Variants in ITGA8 observed in about 807,000 individuals in gnomAD.
ITGA8 encodes integrin subunit alpha 8.
Under a neutral mutation model 142.3 loss-of-function variants are expected in ITGA8, and 91 were observed. The observed-to-expected ratio is 0.64, with a 90% CI of 0.54 to 0.76. The LOEUF (loss-of-function observed/expected upper bound fraction) is 0.76, where lower values mean the gene tolerates loss of function less well. ITGA8 is among the 30% of genes least tolerant of loss of function. The pLI is 0.00. For missense variants in ITGA8, 1,406 were observed against 1,327.7 expected, an observed-to-expected ratio of 1.06 and a Z score of -0.92; for synonymous variants, 505 against 485.2, an observed-to-expected ratio of 1.04 and a Z score of -0.54.
At chr10:15,671,572 T>C in intron 8 of ITGA8, 31 bp downstream of exon 8, 1 of 1,584,460 alleles carries the variant, frequency 6.3e-7, no homozygotes, top group East Asian at 2.2e-5. Flanking sequence ...CCATGCTTTA[T>C]AAGTGATTTA....
At chr10:15,618,773 G>A (rs1833439778) in intron 13 of ITGA8, among the ~76,000 whole-genome samples, 1 of 152,182 alleles carries the variant, frequency 6.6e-6, no homozygotes, top group African/African-American at 2.4e-5. Flanking sequence ...TTCAGCTTTG[G>A]GACTCGGACT....
intron 2 of ITGA8, among the ~76,000 whole-genome samples, chr10:15,696,214 T>A (rs879481320): frequency 1.3e-5 from 2 of 152,164 alleles, no homozygotes; most frequent in African/African-American, 2.4e-5. Flanking sequence ...AGCCCGTTAG[T>A]TACCTAAGCG....
chr10:15,650,344 A>G (rs371695394), intron 11 of ITGA8, among the ~76,000 whole-genome samples: 1 of 152,214 alleles, frequency 6.6e-6, no homozygotes, highest in Admixed American at 6.5e-5. Context: ...GTATTAGACA[A>G]TTAATCTTCA....
In ITGA8 at chr10:15,575,040, C is replaced by T. The variant is rs138112630; in HGVS notation, c.2478+449G>A. On this transcript the variant is annotated intron_variant, in intron 24 of 29. Coordinates refer to ENST00000378076, the MANE Select transcript of ITGA8 (RefSeq NM_003638.3). ...ATTACTCAACCGAACACCCACTACA[C>T]CCCACTGCAGTATGAGAGCATAACA... Among the ~76,000 whole-genome samples, 20 of 152,224 alleles carry T rather than the reference C, an allele frequency of 1.3e-4. No homozygotes were observed. The South Asian group carries it at 2.1e-3, about 16-fold the overall frequency.
At chr10:15,545,668 A>G (rs1333403936) in intron 27 of ITGA8, among the ~76,000 whole-genome samples, 3 of 130,782 alleles carry the variant, frequency 2.3e-5, no homozygotes, top group Non-Finnish European at 4.8e-5. Flanking sequence ...TTACCAACCT[A>G]CTGCTTAGTT....
At chr10:15,657,649 T>C (rs947871940) in intron 10 of ITGA8, among the ~76,000 whole-genome samples, 1 of 152,008 alleles carries the variant, frequency 6.6e-6, no homozygotes, top group South Asian at 2.1e-4. Context: ...CACATTTCTT[T>C]AAATACTGAG....
chr10:15,583,637 A>G (rs999175197), intron 23 of ITGA8, among the ~76,000 whole-genome samples: 1 of 152,208 alleles, frequency 6.6e-6, no homozygotes, highest in Non-Finnish European at 1.5e-5. Flanking sequence ...GCATAACATT[A>G]TAGATCATTC....
chr10:15,675,525 A>G (rs946023917), intron 6 of ITGA8, among the ~76,000 whole-genome samples: 1 of 152,240 alleles, frequency 6.6e-6, no homozygotes, highest in South Asian at 2.1e-4. Context: ...CCTGAAACTT[A>G]TACAACTTGT....
At chr10:15,534,308 C>T (rs1237587083) in intron 27 of ITGA8, among the ~76,000 whole-genome samples, 1 of 152,226 alleles carries the variant, frequency 6.6e-6, no homozygotes, top group Non-Finnish European at 1.5e-5. Context: ...TGAGATGAGA[C>T]TGTATCTGAC....
chr10:15,640,555 G>T (rs1441035651), intron 13 of ITGA8, among the ~76,000 whole-genome samples: 5 of 152,144 alleles, frequency 3.3e-5, no homozygotes, highest in Admixed American at 1.3e-4. Context: ...TGAACTATAG[G>T]GTTTAGAAAG....
intron 24 of ITGA8, 42 bp from the exon 25 acceptor site, chr10:15,572,411 CAG>C (rs745311832): frequency 1.3e-6 from 2 of 1,591,008 alleles, no homozygotes; most frequent in Non-Finnish European, 1.7e-6. Context: ...CAGCAGAAGG[CAG>C]AGAGATAAAA....
chr10:15,613,683 T>A lies in ITGA8; in HGVS notation c.1530A>T (p.Pro510=). The A allele has an allele frequency of 6.2e-7, 1 of 1,613,858 alleles. No individual in the cohort carries two copies. The highest frequency in any genetic ancestry group is 8.5e-7 in the Non-Finnish European group (1 of 1,179,690). The change falls in exon 15 of 30, where the codon CCA becomes CCT. Residue 510 remains proline (P), a synonymous_variant. Coordinates refer to ENST00000378076, the MANE Select transcript of ITGA8 (RefSeq NM_003638.3). ...ACCAGGCAGCAGATGTCATAGAGTC[T>A]GGAACCTGGCAAGTTTTATTTTCAA... ...INLENKTCQV[P]DSMTSAACFS...
intron 27 of ITGA8, among the ~76,000 whole-genome samples, chr10:15,534,632 C>A (rs1365699930): frequency 6.6e-6 from 1 of 152,020 alleles, no homozygotes; most frequent in East Asian, 1.9e-4. Flanking sequence ...TCCTTTCTCC[C>A]TTTAATTAGA....
intron 13 of ITGA8, among the ~76,000 whole-genome samples, chr10:15,641,249 C>T (rs1467639879): frequency 2.6e-5 from 4 of 152,098 alleles, no homozygotes; most frequent in Non-Finnish European, 5.9e-5. Flanking sequence ...AAATACTTAC[C>T]TAAATAAGAC....
At chr10:15,639,833 G>C (rs1242834378) in intron 13 of ITGA8, among the ~76,000 whole-genome samples, 1 of 152,196 alleles carries the variant, frequency 6.6e-6, no homozygotes, top group East Asian at 1.9e-4. Flanking sequence ...AGCTTTCCAC[G>C]TGATTTTAAT....
intron 13 of ITGA8, among the ~76,000 whole-genome samples, chr10:15,634,643 A>G (rs1833740166): frequency 6.6e-6 from 1 of 152,218 alleles, no homozygotes; most frequent in South Asian, 2.1e-4. Context: ...TATGGATAAC[A>G]ATCTCTTGAA....
chr10:15,548,098 AT>A (rs1213511861), intron 27 of ITGA8, among the ~76,000 whole-genome samples: 19 of 147,214 alleles, frequency 1.3e-4, no homozygotes, highest in East Asian at 9.8e-4. Flanking sequence ...TCAAGTTTTA[AT>A]TTTTTTTTTT....
chr10:15,706,303 AT>A (rs1835257261), intron 2 of ITGA8, among the ~76,000 whole-genome samples: 1 of 151,740 alleles, frequency 6.6e-6, no homozygotes, highest in Admixed American at 6.6e-5. Flanking sequence ...CAAACCACCC[AT>A]TTCTCAGCTC....
rs770325690 is a variant in ITGA8 at position 15,647,082 on chromosome 10, G to A, written c.1002-31C>T. 4.6e-6 allele frequency: 7 copies of A among 1,534,082 alleles called. No homozygotes were observed. The East Asian group carries it at 9.0e-5, about 20-fold the overall frequency. On this transcript the variant is annotated intron_variant, in intron 11 of 29. Transcript: ENST00000378076. ...AGGAACAAAGAAAGCAGCTCAGCACGCTAGCAGAGAGTAGAGTCACTTTGG... is the reference window on the plus strand; with the variant it reads ...AGGAACAAAGAAAGCAGCTCAGCACACTAGCAGAGAGTAGAGTCACTTTGG...
Sources: gnomAD v4.1 joint callset for allele counts (sites outside exome capture counted in the v4.1 genomes callset) on GRCh38, gnomAD v4.1.1 for gene constraint, MANE v1.5 for transcripts, NCBI Gene and HGNC (gene_info 2026-07-23, HGNC 2026-07-21) for gene names.